The following POPDC3 variants were observed in gnomAD, a reference collection of about 807,000 sequenced individuals.
POPDC3 encodes popeye domain cAMP effector 3.
In POPDC3, 20 loss-of-function variants were observed where a neutral mutation model predicts 28.2. The ratio of observed to expected loss-of-function variants is 0.71; its 90% CI spans 0.50 to 1.03. The LOEUF (loss-of-function observed/expected upper bound fraction) is 1.03. Among genes scored for constraint, POPDC3 ranks in the 50% least tolerant of loss-of-function variants. POPDC3 has a pLI of 0.00. For synonymous variants in POPDC3, 118 were observed against 124.1 expected (o/e 0.95, Z 0.33); for missense variants, 316 against 345.9 (o/e 0.91, Z 0.69).
chr6:105,161,056 C>T (rs909858536), intron 2 of POPDC3, among the ~76,000 whole-genome samples: 1 of 151,962 alleles, frequency 6.6e-6, no homozygotes, highest in Admixed American at 6.6e-5. Flanking sequence ...AAAAGAAAGC[C>T]CTATCAAAGA....
At chr6:105,165,912 A>G (rs969236125) in intron 1 of POPDC3, among the ~76,000 whole-genome samples, 3 of 152,198 alleles carry the variant, frequency 2.0e-5, no homozygotes, top group African/African-American at 7.2e-5. Flanking sequence ...CTTGTCCTTG[A>G]GGTGGTACAT....
chr6:105,162,536 A>G (rs1313889703), intron 1 of POPDC3, among the ~76,000 whole-genome samples: 2 of 152,194 alleles, frequency 1.3e-5, no homozygotes, highest in Admixed American at 1.3e-4. Flanking sequence ...GTTCGAGACC[A>G]GCCTGGCCAA....
At chr6:105,165,334 G>A (rs1339725691) in intron 1 of POPDC3, among the ~76,000 whole-genome samples, 2 of 152,182 alleles carry the variant, frequency 1.3e-5, no homozygotes, top group Non-Finnish European at 2.9e-5. Flanking sequence ...GAATACTGCT[G>A]GAGACACAGA....
intron 1 of POPDC3, among the ~76,000 whole-genome samples, chr6:105,164,315 T>C (rs1273493088): frequency 1.3e-5 from 2 of 152,220 alleles, no homozygotes; most frequent in African/African-American, 2.4e-5. Flanking sequence ...CTTAAAAATC[T>C]TGATTTGTAG....
intron 2 of POPDC3, among the ~76,000 whole-genome samples, chr6:105,161,223 C>T (rs1448926137): frequency 6.6e-6 from 1 of 152,126 alleles, no homozygotes; most frequent in African/African-American, 2.4e-5. Context: ...TATTAAGGCT[C>T]TTGATTATTT....
At chr6:105,166,200 T>A (rs754996558) in intron 1 of POPDC3, among the ~76,000 whole-genome samples, 4 of 152,156 alleles carry the variant, frequency 2.6e-5, no homozygotes, top group Non-Finnish European at 4.4e-5. Flanking sequence ...ATAAGAGCTC[T>A]AAAATGACAT....
chr6:105,158,985 T>C (rs1774260641), intron 3 of POPDC3: 1 of 366,760 alleles, frequency 2.7e-6, no homozygotes, highest in Non-Finnish European at 4.9e-6. Context: ...TCTGTTTTTC[T>C]AAGTTCCAGT....
rs981908644 is a variant in POPDC3, at chr6:105,159,544, A to T, written c.594+167T>A. The stretch of plus-strand genomic sequence containing the variant: ...TCGCTGGACCTATAAAGTGGCATTA[A>T]TCATCAAGAGTCCAGCAGAATTGGG... On this transcript the variant is annotated intron_variant, in intron 3 of 3. Transcript: ENST00000254765. Among the ~76,000 whole-genome samples the T allele has an allele frequency of 2.0e-5, 3 of 152,224 alleles. No homozygotes were observed. In the East Asian group the frequency reaches 5.8e-4, roughly 29 times the overall value.
chr6:105,172,925 T>C (rs1253016721), intron 1 of POPDC3, among the ~76,000 whole-genome samples: 1 of 148,282 alleles, frequency 6.7e-6, no homozygotes, highest in African/African-American at 2.5e-5. Flanking sequence ...TTAGGAGATA[T>C]ACGTAGTGCT....
intron 1 of POPDC3, chr6:105,166,570 T>C (rs139836436): frequency 2.1e-4 from 98 of 471,372 alleles, no homozygotes; most frequent in African/African-American, 8.2e-4. Flanking sequence ...TTCCTCTTCA[T>C]GTGTTCTCAC....
chr6:105,174,701 T>C (rs1424667528), intron 1 of POPDC3, among the ~76,000 whole-genome samples: 3 of 152,142 alleles, frequency 2.0e-5, no homozygotes, highest in Admixed American at 2.0e-4. Context: ...GAAAGAAACA[T>C]GGGCATTTCA....
At chr6:105,163,959 C>T (rs1774404965) in intron 1 of POPDC3, among the ~76,000 whole-genome samples, 1 of 152,144 alleles carries the variant, frequency 6.6e-6, no homozygotes, top group Non-Finnish European at 1.5e-5. Context: ...TGTTCAATTT[C>T]TCCTCTTTTA....
chr6:105,169,607 A>C (rs1000294336), intron 1 of POPDC3: 1 of 152,152 alleles, frequency 6.6e-6, no homozygotes, highest in Non-Finnish European at 1.5e-5. Flanking sequence ...GCCCAGAGAA[A>C]CTCAAAAGAA....
At chr6:105,176,479 G>A (rs1219558514) in intron 1 of POPDC3, among the ~76,000 whole-genome samples, 1 of 152,204 alleles carries the variant, frequency 6.6e-6, no homozygotes, top group Non-Finnish European at 1.5e-5. Context: ...TCAAAGTAGG[G>A]AGAAAGACTC....
Position 105,161,560 on chromosome 6 carries a change from T to C in POPDC3, c.350A>G (p.Gln117Arg), listed in dbSNP as rs1255996962. The change falls in exon 2 of 4, where the codon CAG (glutamine) becomes CGG (arginine). Residue 117 changes from glutamine to arginine, a missense_variant. Gln to Arg is a conservative substitution (Grantham distance 43). Coordinates refer to ENST00000254765, the MANE Select transcript of POPDC3 (RefSeq NM_022361.5). The part of the protein sequence containing the change: ...EFQVLYSSLF[Q>R]PLGISLPVFR... ...GACAGGCAAAGAGATCCCCAGGGGC[T>C]GGAAAAGGGAGCTGTACAACACTTG... is the stretch of plus-strand genomic sequence containing the variant. 1.6e-5 allele frequency: 26 copies of C among 1,614,026 alleles called. No individual in the cohort carries two copies. The highest frequency in any genetic ancestry group is 6.7e-5 in the Admixed American group (4 of 59,992).
In POPDC3 at chr6:105,160,335, C is replaced by T. The variant is rs185767247; in HGVS notation, c.486-516G>A. Among the ~76,000 whole-genome samples, 3 of 152,274 alleles carry T rather than the reference C, an allele frequency of 2.0e-5. No individual in the cohort carries two copies. In the East Asian group the frequency reaches 5.8e-4, roughly 29 times the overall value. ...CAAGCGATTCTTGTGCCTCAGCCTC[C>T]TGAGTAGCTGGGATTACAAGCGTGC... is the stretch of plus-strand genomic sequence containing the variant. On this transcript the variant is annotated intron_variant, in intron 2 of 3. Transcript: ENST00000254765.
chr6:105,172,778 T>C (rs1351853901), intron 1 of POPDC3, among the ~76,000 whole-genome samples: 1 of 142,526 alleles, frequency 7.0e-6, no homozygotes, highest in African/African-American at 2.7e-5. Flanking sequence ...CAGCAAACTA[T>C]TGCAAGGACA....
chr6:105,164,741 C>CT (rs542954810), intron 1 of POPDC3, among the ~76,000 whole-genome samples: 1 of 152,208 alleles, frequency 6.6e-6, no homozygotes, highest in Non-Finnish European at 1.5e-5. Context: ...CAATGGATTT[C>CT]TTTCCTAAGC....
intron 1 of POPDC3, chr6:105,166,684 G>T (rs1324778421): frequency 2.1e-6 from 1 of 470,696 alleles, no homozygotes; most frequent in Admixed American, 2.4e-5. Flanking sequence ...CCTGACCATG[G>T]TGGCCTGAAG....
Sources: gnomAD v4.1 joint callset for allele counts (sites outside exome capture counted in the v4.1 genomes callset) on GRCh38, gnomAD v4.1.1 for gene constraint, MANE v1.5 for transcripts, NCBI Gene and HGNC (gene_info 2026-07-23, HGNC 2026-07-21) for gene names.